Variants in PTPRC observed in about 807,000 individuals in gnomAD.
PTPRC encodes receptor-type tyrosine-protein phosphatase C.
Under a neutral mutation model 155.9 loss-of-function variants are expected in PTPRC, and 44 were observed. The observed-to-expected ratio is 0.28, with a 90% CI of 0.22 to 0.36. The LOEUF (loss-of-function observed/expected upper bound fraction) is 0.36. Ranked by LOEUF, PTPRC falls within the 10% of genes least tolerant of loss-of-function variation. The pLI is 1.00. For missense variants in PTPRC, 1,401 were observed against 1,564.6 expected (o/e 0.90, Z 1.76); for synonymous variants, 525 against 533.1 (o/e 0.98, Z 0.21).
chr1:198,690,095 A>G (rs16843709), intron 2 of PTPRC, among the ~76,000 whole-genome samples: 2,551 of 152,288 alleles, frequency 0.017, 67 homozygotes, highest in African/African-American at 0.058. Context: ...TAGATATGTA[A>G]GAGCTCATGT....
At chr1:198,722,184 CTA>C (rs371453099) in intron 14 of PTPRC, among the ~76,000 whole-genome samples, 1 of 150,478 alleles carries the variant, frequency 6.6e-6, no homozygotes, top group East Asian at 1.9e-4. Context: ...TGTTTAATAA[CTA>C]TAAATATTTT....
intron 2 of PTPRC, among the ~76,000 whole-genome samples, chr1:198,649,488 TAACTTGAAG>T (rs1365689711): frequency 3.3e-5 from 5 of 151,816 alleles, no homozygotes; most frequent in African/African-American, 1.2e-4. Flanking sequence ...CTGATAAAAG[TAACTTGAAG>T]AAACTTTAGT....
intron 22 of PTPRC, among the ~76,000 whole-genome samples, chr1:198,734,850 C>G (rs909623687): frequency 3.3e-5 from 5 of 151,658 alleles, no homozygotes; most frequent in African/African-American, 1.2e-4. Flanking sequence ...CAATCATATC[C>G]TTTTTGCTGA....
At chr1:198,734,263 T>C (rs1654521905) in intron 21 of PTPRC, 31 bp downstream of exon 21, 1 of 1,610,242 alleles carries the variant, frequency 6.2e-7, no homozygotes, top group Non-Finnish European at 8.5e-7. Context: ...ATATTCTTTT[T>C]GAAAAATTTT....
intron 7 of PTPRC, chr1:198,703,712 G>A (rs1004558307): frequency 3.8e-5 from 13 of 341,144 alleles, no homozygotes; most frequent in Admixed American, 8.7e-5. Context: ...AGCATCAGAC[G>A]GCTGATGGCA....
At chr1:198,657,053 A>AAT (rs1457836318) in intron 2 of PTPRC, among the ~76,000 whole-genome samples, 4 of 150,796 alleles carry the variant, frequency 2.7e-5, no homozygotes, top group Admixed American at 6.6e-5. Context: ...TATATATATA[A>AAT]ATATATATAT....
rs893153114 is a variant in PTPRC at position 198,757,276 on chromosome 1, G to A, written c.*1095G>A. 4.6e-5 allele frequency: 7 copies of A among 151,220 alleles called. No homozygotes were observed. Among genetic ancestry groups the A allele is most frequent in the Non-Finnish European group, 8.9e-5 (6 of 67,674 alleles). 9.4% of individuals were successfully genotyped at this position (151,220 alleles called of 1,614,324 possible). ...AAAATTCAACCATTATTTTTTTCTT[G>A]TTTATAATACATTGTGTTATATGTT... On this transcript the variant is annotated 3_prime_UTR_variant, in exon 33 of 33. Coordinates refer to ENST00000442510, the MANE Select transcript of PTPRC (RefSeq NM_002838.5).
chr1:198,673,146 A>G (rs1394614384), intron 2 of PTPRC, among the ~76,000 whole-genome samples: 1 of 151,906 alleles, frequency 6.6e-6, no homozygotes, highest in African/African-American at 2.4e-5. Flanking sequence ...TAACTCAAAC[A>G]TATCCCTCTT....
chr1:198,685,191 C>A (rs12077317), intron 2 of PTPRC, among the ~76,000 whole-genome samples: 2,542 of 151,818 alleles, frequency 0.017, 67 homozygotes, highest in African/African-American at 0.058. Context: ...TTAATATACC[C>A]AATATTTTAA....
At chr1:198,705,432 C>CTTTTT (rs905823899) in intron 8 of PTPRC, among the ~76,000 whole-genome samples, 2 of 139,434 alleles carry the variant, frequency 1.4e-5, no homozygotes, top group Non-Finnish European at 1.6e-5. Flanking sequence ...TTCTTTCTTT[C>CTTTTT]TTTTTTTTTT....
At position 198,756,400 on chromosome 1, in the gene PTPRC, T is replaced by A; in HGVS notation, c.*219T>A. Reference sequence around the variant, plus strand: ...CTTATTTTAAAATTTTATCTCTTATTCAGTAAAAAACAACTTCTTTGTAAT... The same window carrying A: ...CTTATTTTAAAATTTTATCTCTTATACAGTAAAAAACAACTTCTTTGTAAT... On this transcript the variant is annotated 3_prime_UTR_variant, in exon 33 of 33. Coordinates refer to ENST00000442510, the MANE Select transcript of PTPRC (RefSeq NM_002838.5). The A allele has an allele frequency of 1.6e-6, 1 of 614,122 alleles. No homozygotes were observed. Among genetic ancestry groups the A allele is most frequent in the Middle Eastern group, 4.5e-4 (1 of 2,210 alleles). 38.0% of individuals were successfully genotyped at this position (614,122 alleles called of 1,614,324 possible).
chr1:198,671,266 T>C (rs1664631851), intron 2 of PTPRC, among the ~76,000 whole-genome samples: 2 of 151,930 alleles, frequency 1.3e-5, no homozygotes, highest in African/African-American at 4.8e-5. Context: ...CTGTTTCCAA[T>C]AAATTAAACC....
chr1:198,687,839 A>G (rs1665716906), intron 2 of PTPRC, among the ~76,000 whole-genome samples: 1 of 152,186 alleles, frequency 6.6e-6, no homozygotes, highest in Admixed American at 6.5e-5. Flanking sequence ...GCATTGGCTT[A>G]AATTTTAAAG....
intron 23 of PTPRC, among the ~76,000 whole-genome samples, chr1:198,737,354 T>A (rs890150395): frequency 4.0e-5 from 6 of 151,042 alleles, no homozygotes; most frequent in East Asian, 3.9e-4. Context: ...CCATTTTTTT[T>A]ATTTAATGTT....
intron 3 of PTPRC, among the ~76,000 whole-genome samples, chr1:198,696,072 A>G (rs902096027): frequency 2.0e-5 from 3 of 151,912 alleles, no homozygotes; most frequent in Admixed American, 6.6e-5. Context: ...AGGCAAGAGA[A>G]TCGCTTGAAC....
chr1:198,660,504 T>TGTG (rs1663902735), intron 2 of PTPRC: 2 of 136,844 alleles, frequency 1.5e-5, no homozygotes, highest in Non-Finnish European at 3.2e-5. Flanking sequence ...GTGTGTGTGG[T>TGTG]GTGTGTGTGT....
At chr1:198,674,408 C>T (rs1404461229) in intron 2 of PTPRC, among the ~76,000 whole-genome samples, 1 of 151,578 alleles carries the variant, frequency 6.6e-6, no homozygotes, top group Non-Finnish European at 1.5e-5. Context: ...TGAAAATTTA[C>T]AATTTTACAA....
rs559731288 is a variant in PTPRC, at chr1:198,756,146, G to C, written c.3886G>C (p.Gly1296Arg). The C allele has an allele frequency of 1.2e-6, 2 of 1,613,268 alleles. No homozygotes were observed. The highest frequency in any genetic ancestry group is 2.7e-5 in the African/African-American group (2 of 74,974). ...GTEGPEHSVN[G>R]PASPALNQGS ...TGAGGGGCCAGAACATTCTGTCAATGGTCCTGCAAGTCCAGCTTTAAATCA... is the reference window on the plus strand; with the variant it reads ...TGAGGGGCCAGAACATTCTGTCAATCGTCCTGCAAGTCCAGCTTTAAATCA... Residue 1296 changes from glycine to arginine, a missense_variant, in exon 33 of 33, where the codon GGT becomes CGT. Transcript: ENST00000442510.
chr1:198,740,432 A>G (rs12118240), intron 23 of PTPRC, among the ~76,000 whole-genome samples: 57,080 of 151,478 alleles, frequency 0.38, 11,969 homozygotes, highest in Non-Finnish European at 0.49. Context: ...ACAAAAAAAT[A>G]TTAGCCAGGT....
Sources: gnomAD v4.1 joint callset for allele counts (sites outside exome capture counted in the v4.1 genomes callset) on GRCh38, gnomAD v4.1.1 for gene constraint, MANE v1.5 for transcripts, NCBI Gene and HGNC (gene_info 2026-07-23, HGNC 2026-07-21) for gene names.